CEP72: variants seen among roughly 807,000 people sequenced by gnomAD.
CEP72 encodes centrosomal protein of 72 kDa.
Under a neutral mutation model 65.7 loss-of-function variants are expected in CEP72, and 78 were observed. The observed-to-expected ratio is 1.19, with a 90% confidence interval of 0.99 to 1.43. The LOEUF is 1.43. Ranked by LOEUF, CEP72 falls within the 40% of genes most tolerant of loss-of-function variation. The pLI is 0.00. For missense variants in CEP72, 914 were observed against 832.9 expected, an observed-to-expected ratio of 1.10 and a Z score of -1.20; for synonymous variants, 358 against 351.7, an observed-to-expected ratio of 1.02 and a Z score of -0.20.
chr5:675,505 G>A, the CEP72 span, among the ~76,000 whole-genome samples: 448 of 81,634 alleles, frequency 5.5e-3, 17 homozygotes, highest in African/African-American at 0.024. Flanking sequence ...GGCCGGGGCT[G>A]CAGTGTGACC....
intron 6 of CEP72, 127 bp from the exon 7 acceptor site, chr5:637,386 ATATG>A: frequency 2.7e-6 from 2 of 745,872 alleles, no homozygotes; most frequent in Admixed American, 2.4e-5. Context: ...GTGCGTGTAC[ATATG>A]TAAGTGTGCG....
At chr5:640,961 C>A (rs1345339900) in intron 9 of CEP72, 15 of 985,368 alleles carry the variant, frequency 1.5e-5, no homozygotes, top group African/African-American at 1.7e-5. Flanking sequence ...AGGCCACTCT[C>A]CTTTTATGAA....
intron 1 of CEP72, chr5:663,313 A>G (rs1324538353): frequency 6.6e-6 from 1 of 152,448 alleles, no homozygotes; most frequent in Non-Finnish European, 1.5e-5. Context: ...GCGGGGGCAC[A>G]GGGCTGGGCT....
In CEP72 at chr5:645,369, C is replaced by T. The variant is rs12517638; in HGVS notation, c.1666+944C>T. ...TTTTTTATTTATAAATTTTGCTTTTCTATCTTCTGTTTCTTTAAGATACTG... is the reference window on the plus strand; with the variant it reads ...TTTTTTATTTATAAATTTTGCTTTTTTATCTTCTGTTTCTTTAAGATACTG... On this transcript the variant is annotated intron_variant, in intron 10 of 11. Transcript: ENST00000264935. This position sits in a 1 kb window ranked among gnomAD's most constrained non-coding sequence, Gnocchi z 4.0. 0.13 allele frequency among the ~76,000 whole-genome samples: 20,371 copies of T among 151,284 alleles called. 1,748 individuals are homozygous for T. Among genetic ancestry groups the T allele is most frequent in the Admixed American group, 0.19 (2,882 of 15,198 alleles).
At chr5:628,055 G>A (rs902827220) in intron 4 of CEP72, among the ~76,000 whole-genome samples, 1 of 152,204 alleles carries the variant, frequency 6.6e-6, no homozygotes, top group Admixed American at 6.5e-5. Context: ...TACCACACGC[G>A]ACTTTTAACC....
chr5:670,791 GC>G (rs1404901981), downstream of CEP72, among the ~76,000 whole-genome samples: 1 of 152,212 alleles, frequency 6.6e-6, no homozygotes, highest in Non-Finnish European at 1.5e-5. Context: ...GTTTCCCGGG[GC>G]CGACAGAGGT....
Position 645,415 on chromosome 5 carries a change from T to G in CEP72, c.1666+990T>G, listed in dbSNP as rs996994268. 1.3e-5 allele frequency among the ~76,000 whole-genome samples: 2 copies of G among 151,690 alleles called. No individual in the cohort carries two copies. Among genetic ancestry groups the G allele is most frequent in the African/African-American group, 4.9e-5 (2 of 41,228 alleles). ...TACTGTTATATTTACAACGGGTCCT[T>G]GAATAACCGTGTCCATTCAACATCA... On this transcript the variant is annotated intron_variant, in intron 10 of 11. Coordinates refer to ENST00000264935, the MANE Select transcript of CEP72 (RefSeq NM_018140.4). The surrounding 1 kb of genome is among the most constrained non-coding windows in gnomAD (Gnocchi z 4.0).
chr5:675,013 AGTGTGGCCGGGGG>A, the CEP72 span, among the ~76,000 whole-genome samples: 1 of 83,336 alleles, frequency 1.2e-5, no homozygotes, highest in Non-Finnish European at 2.3e-5. Context: ...AGGGGGGCAC[AGTGTGGCCGGGGG>A]AGCAGTGAGG....
rs1737924043 is a variant in CEP72, at chr5:640,316, G to A, written c.1343-92G>A. The stretch of plus-strand genomic sequence containing the variant: ...CTACCTGTCGTCTTTTTGAGGCATC[G>A]TCTGTGTGATTCAAAACATACTGAG... On this transcript the variant is annotated intron_variant, in intron 8 of 11. Transcript: ENST00000264935. 17 of 1,529,918 alleles carry A rather than the reference G, an allele frequency of 1.1e-5. 1 individual carries two copies. The highest frequency in any genetic ancestry group is 3.9e-5 in the Admixed American group (2 of 51,682). 94.8% of individuals were successfully genotyped at this position (1,529,918 alleles called of 1,614,324 possible). A position where few individuals can be genotyped will look rare whatever the true frequency, so the allele number is the denominator to read the frequency against.
chr5:648,898 GGACTGTGAGGGGT>G (rs1375612069), intron 11 of CEP72, among the ~76,000 whole-genome samples: 3 of 121,154 alleles, frequency 2.5e-5, no homozygotes, highest in Non-Finnish European at 5.2e-5. Context: ...TGTGAGGCGT[GGACTGTGAGGGGT>G]GACTGTGAGG....
chr5:644,223 A>G, intron 9 of CEP72, 76 bp from the exon 10 acceptor site: 1 of 1,512,852 alleles, frequency 6.6e-7, no homozygotes. Context: ...GGGGATTCTC[A>G]GGTTTCAGTT....
At chr5:649,667 G>C (rs1234001186) in intron 11 of CEP72, among the ~76,000 whole-genome samples, 4 of 86,436 alleles carry the variant, frequency 4.6e-5, no homozygotes, top group Non-Finnish European at 9.3e-5. Flanking sequence ...AGGTGTGCCT[G>C]TGAGGCGTGG....
chr5:660,337 T>C (rs1739536363), downstream of CEP72: 1 of 152,270 alleles, frequency 6.6e-6, no homozygotes. Flanking sequence ...TGGCTTGGTT[T>C]AGTTTTTTAA....
downstream of CEP72, among the ~76,000 whole-genome samples, chr5:654,324 GTGTGTGCGC>G: frequency 6.8e-6 from 1 of 148,016 alleles, no homozygotes; most frequent in East Asian, 1.9e-4. Flanking sequence ...GTGTACGCTT[GTGTGTGCGC>G]TGTGTGTGCG....
Position 635,587 on chromosome 5 carries a change from A to C in CEP72, c.904+3A>C. 1 of 1,606,366 alleles carries C rather than the reference A, an allele frequency of 6.2e-7. No homozygotes were observed. Reference sequence around the variant, plus strand: ...CACGTACTTCACCCCACACCCAGGTACTTACGCGTGTCTTAGTCTGTTTTC... The same window carrying C: ...CACGTACTTCACCCCACACCCAGGTCCTTACGCGTGTCTTAGTCTGTTTTC... On this transcript the variant is annotated splice_donor_region_variant and intron_variant, in intron 6 of 11. Coordinates refer to ENST00000264935, the MANE Select transcript of CEP72 (RefSeq NM_018140.4).
intron 4 of CEP72, 129 bp from the exon 5 acceptor site, chr5:633,640 C>T (rs567952521): frequency 1.3e-5 from 11 of 839,964 alleles, no homozygotes; most frequent in East Asian, 4.9e-5. Context: ...CAACAGGACC[C>T]GGCTGCCCCA....
chr5:614,954 T>G (rs1411173440), intron 1 of CEP72, among the ~76,000 whole-genome samples: 2 of 152,116 alleles, frequency 1.3e-5, no homozygotes, highest in Non-Finnish European at 2.9e-5. Context: ...CCTTGCTGAT[T>G]TTCTGTCTAG....
At chr5:675,938 G>T in the CEP72 span, 3 of 152,164 alleles carry the variant, frequency 2.0e-5, no homozygotes, top group African/African-American at 7.2e-5. Context: ...GAGGTTGGCG[G>T]GGCCACTGGG....
intron 5 of CEP72, among the ~76,000 whole-genome samples, chr5:635,137 G>A (rs1054415666): frequency 6.6e-5 from 10 of 152,192 alleles, no homozygotes; most frequent in East Asian, 3.9e-4. Flanking sequence ...CACTTCATGC[G>A]GCTGGATTCT....
Sources: allele counts gnomAD v4.1 joint callset (sites outside exome capture counted in the v4.1 genomes callset), GRCh38; gene constraint gnomAD v4.1.1; non-coding constraint Gnocchi (gnomAD v3.1); transcripts MANE v1.5; gene names NCBI Gene and HGNC (gene_info 2026-07-23, HGNC 2026-07-21).